Variants in PIEZO2 observed in about 807,000 individuals in gnomAD.
The protein encoded by PIEZO2 is piezo-type mechanosensitive ion channel component 2.
Under a neutral mutation model 337.3 loss-of-function variants are expected in PIEZO2, and 172 were observed. That is an observed-to-expected ratio of 0.51 (90% CI 0.45 to 0.58). The LOEUF is 0.58. PIEZO2 is among the 20% of genes least tolerant of loss of function. The pLI, the probability that PIEZO2 is intolerant of heterozygous loss-of-function variation, is 0.00. For synonymous variants in PIEZO2, 1,251 were observed against 1,228.5 expected, an observed-to-expected ratio of 1.02 and a Z score of -0.38; for missense variants, 3,028 against 3,391.3, an observed-to-expected ratio of 0.89 and a Z score of 2.66.
At chr18:11,025,485 A>AT (rs2036505463) in intron 2 of PIEZO2, among the ~76,000 whole-genome samples, 1 of 152,172 alleles carries the variant, frequency 6.6e-6, no homozygotes, top group African/African-American at 2.4e-5. Context: ...AGTGCAGAGC[A>AT]TACTTTGAAT....
chr18:11,136,989 A>T (rs2040507664), intron 1 of PIEZO2, among the ~76,000 whole-genome samples: 1 of 152,230 alleles, frequency 6.6e-6, no homozygotes, highest in Admixed American at 6.5e-5. Flanking sequence ...AGGCATGTCT[A>T]GTAATAAGCT....
rs916911271 is a variant in PIEZO2, at chr18:10,899,646, T to C, written c.329+11540A>G. ...TAGCACAATTCCCCTAAACATTCCA[T>C]TTTATACACTCAACACCCAACTGTT... On this transcript the variant is annotated intron_variant, in intron 4 of 55. Transcript: ENST00000674853. The surrounding 1 kb of genome is among the most constrained non-coding windows in gnomAD (Gnocchi z 4.6). Among the ~76,000 whole-genome samples, 2 of 152,218 alleles carry C rather than the reference T, an allele frequency of 1.3e-5. No homozygotes were observed. Among genetic ancestry groups the C allele is most frequent in the African/African-American group, 4.8e-5 (2 of 41,458 alleles).
At position 10,872,010 on chromosome 18, in the gene PIEZO2, C is replaced by G. The variant is rs2042151465; in HGVS notation, c.330-595G>C. On this transcript the variant is annotated intron_variant, in intron 4 of 55. Transcript: ENST00000674853. The surrounding 1 kb of genome is among the most constrained non-coding windows in gnomAD (Gnocchi z 4.3). ...TCTGAAACTTAGTAGTTGCATCCTG[C>G]TGGGGGCTTCTCACAGCCATCTGTT... 1.3e-5 allele frequency among the ~76,000 whole-genome samples: 2 copies of G among 152,166 alleles called. 1 individual carries two copies. The highest frequency in any genetic ancestry group is 4.1e-4 in the South Asian group (2 of 4,820).
rs1456743812 is a variant in PIEZO2 at position 10,759,993 on chromosome 18, T to C, written c.3451-84A>G. ...GTGATAGGTGTCAGGTCTGTGTAGA[T>C]GGCGGAGACCCATGTCCCTCAGGGC... On this transcript the variant is annotated intron_variant, in intron 24 of 55. Transcript: ENST00000674853. This position sits in a 1 kb window ranked among gnomAD's most constrained non-coding sequence, Gnocchi z 5.5. 11 of 1,244,036 alleles carry C rather than the reference T, an allele frequency of 8.8e-6. No homozygotes were observed. The highest frequency in any genetic ancestry group is 1.5e-5 in the African/African-American group (1 of 67,192). 77.1% of individuals were successfully genotyped at this position (1,244,036 alleles called of 1,614,324 possible). A position where few individuals can be genotyped will look rare whatever the true frequency, so the allele number is the denominator to read the frequency against.
rs1004599673 is a variant in PIEZO2 at position 10,856,188 on chromosome 18, T to A, written c.704-622A>T. ...GGCTCGGATTACAGGCATGAGCCACTGCTCCTGGCCAATAACTCCTTTAAA... is the reference window on the plus strand; with the variant it reads ...GGCTCGGATTACAGGCATGAGCCACAGCTCCTGGCCAATAACTCCTTTAAA... On this transcript the variant is annotated intron_variant, in intron 6 of 55. Coordinates refer to ENST00000674853, the MANE Select transcript of PIEZO2 (RefSeq NM_001378183.1). The surrounding 1 kb of genome is among the most constrained non-coding windows in gnomAD (Gnocchi z 4.7). Among the ~76,000 whole-genome samples the A allele has an allele frequency of 6.6e-6, 1 of 152,218 alleles. No individual in the cohort carries two copies. The highest frequency in any genetic ancestry group is 2.4e-5 in the African/African-American group (1 of 41,462).
At chr18:10,932,770 T>A (rs1456009695) in intron 3 of PIEZO2, among the ~76,000 whole-genome samples, 1 of 151,322 alleles carries the variant, frequency 6.6e-6, no homozygotes. Context: ...AAATAATTTT[T>A]AAAATTAGCC....
intron 7 of PIEZO2, among the ~76,000 whole-genome samples, chr18:10,822,808 A>G (rs1204403042): frequency 6.6e-6 from 1 of 152,204 alleles, no homozygotes; most frequent in Non-Finnish European, 1.5e-5. Context: ...GTATGAACCA[A>G]AAGACAGCCA....
Position 11,084,069 on chromosome 18 carries a change from C to T in PIEZO2, c.65-17847G>A, listed in dbSNP as rs1031361002. Among the ~76,000 whole-genome samples the T allele has an allele frequency of 6.7e-5, 10 of 149,236 alleles. No individual in the cohort carries two copies. The South Asian group carries it at 1.9e-3, about 29-fold the overall frequency. On this transcript the variant is annotated intron_variant, in intron 1 of 55. Transcript: ENST00000674853. ...GTGGGTGCCTGTAATCCCAGTTACT[C>T]GGGAGGCTGAGGCAGGAGAATCACT...
chr18:10,710,138 C>A (rs575522727), intron 39 of PIEZO2, among the ~76,000 whole-genome samples: 1 of 152,360 alleles, frequency 6.6e-6, no homozygotes, highest in South Asian at 2.1e-4. Context: ...CAGTCTCCTG[C>A]AGCTTTGCTC....
intron 4 of PIEZO2, among the ~76,000 whole-genome samples, chr18:10,896,625 T>C (rs1046059203): frequency 6.6e-6 from 1 of 152,206 alleles, no homozygotes; most frequent in Non-Finnish European, 1.5e-5. Context: ...GGAAGCCGTA[T>C]GTGAGGCCTC....
chr18:10,882,361 G>T (rs2042444939), intron 4 of PIEZO2, among the ~76,000 whole-genome samples: 1 of 152,148 alleles, frequency 6.6e-6, no homozygotes, highest in South Asian at 2.1e-4. Context: ...GAACTGTTCT[G>T]CCTCTTCTTG....
At chr18:10,977,001 A>ATGTGTGTG (rs59666101) in intron 3 of PIEZO2, among the ~76,000 whole-genome samples, 21,166 of 142,644 alleles carry the variant, frequency 0.15, 1,668 homozygotes, top group East Asian at 0.2. Context: ...AAGAACAAAT[A>ATGTGTGTG]TGTGTGTGTG....
In PIEZO2 at chr18:10,704,448, C is replaced by A; in HGVS notation, c.6204G>T (p.Leu2068Phe). 1 of 1,537,134 alleles carries A rather than the reference C, an allele frequency of 6.5e-7. No homozygotes were observed. Residue 2068 changes from leucine (L) to phenylalanine (F), a missense_variant, in exon 42 of 56, where the codon TTG becomes TTT. By Grantham distance (22) the Leu-to-Phe change is conservative (BLOSUM62 0). Transcript: ENST00000674853. ...LPILIFLWAM[L>F]SVPRPSRRFW... ...ACCGGCGGCTGGGCCTGGGGACGGA[C>A]AACATGGCCCAGAGGAAGATGAGGA...
Position 11,003,986 on chromosome 18 carries a change from C to T in PIEZO2, c.161-24326G>A, listed in dbSNP as rs78540977. ...AACCCATGTTATGCCTTCCACAACTCTGACCCTAAACAAATGATGGTTTCC... is the reference window on the plus strand; with the variant it reads ...AACCCATGTTATGCCTTCCACAACTTTGACCCTAAACAAATGATGGTTTCC... On this transcript the variant is annotated intron_variant, in intron 2 of 55. Transcript: ENST00000674853. The surrounding 1 kb of genome is among the most constrained non-coding windows in gnomAD (Gnocchi z 4.6). Among the ~76,000 whole-genome samples, 2,206 of 152,348 alleles carry T rather than the reference C, an allele frequency of 0.014. 57 individuals carry two copies. Among genetic ancestry groups the T allele is most frequent in the African/African-American group, 0.05 (2,067 of 41,568 alleles).
intron 4 of PIEZO2, among the ~76,000 whole-genome samples, chr18:10,886,408 A>ATGTGTGTGTGTGTGTGTGTG (rs2042600704): frequency 7.3e-5 from 1 of 13,756 alleles, no homozygotes; most frequent in Non-Finnish European, 1.3e-4. Context: ...ATATATATAT[A>ATGTGTGTGTGTGTGTGTGTG]TATATATATA....
At chr18:11,050,101 T>C (rs1384098895) in intron 2 of PIEZO2, among the ~76,000 whole-genome samples, 2 of 152,102 alleles carry the variant, frequency 1.3e-5, no homozygotes, top group Non-Finnish European at 2.9e-5. Flanking sequence ...ATCTGTACCA[T>C]CTCAAAAAAG....
chr18:10,747,270 G>C (rs1445627356), intron 30 of PIEZO2, among the ~76,000 whole-genome samples: 1 of 152,138 alleles, frequency 6.6e-6, no homozygotes, highest in African/African-American at 2.4e-5. Context: ...AAAAGACCTA[G>C]AAGCCTGAAC....
chr18:10,732,038 G>T (rs557822070), intron 35 of PIEZO2, among the ~76,000 whole-genome samples: 1 of 152,146 alleles, frequency 6.6e-6, no homozygotes, highest in South Asian at 2.1e-4. Flanking sequence ...AGTACTTTGC[G>T]AGGAAAAAAA....
chr18:11,084,580 T>C (rs889560107), intron 1 of PIEZO2, among the ~76,000 whole-genome samples: 17 of 152,148 alleles, frequency 1.1e-4, no homozygotes, highest in Non-Finnish European at 1.3e-4. Context: ...CTTGAATCCA[T>C]GGAGTTGGCT....
Sources: gnomAD v4.1 joint callset for allele counts (sites outside exome capture counted in the v4.1 genomes callset) on GRCh38, gnomAD v4.1.1 for gene constraint, Gnocchi (gnomAD v3.1) non-coding constraint, MANE v1.5 for transcripts, NCBI Gene and HGNC (gene_info 2026-07-23, HGNC 2026-07-21) for gene names.